The following ARHGAP28 variants were observed in gnomAD, a reference collection of about 807,000 sequenced individuals.
The protein encoded by ARHGAP28 is rho GTPase-activating protein 28.
In ARHGAP28, 56 loss-of-function variants were observed where a neutral mutation model predicts 90.7. The observed-to-expected ratio is 0.62, with a 90% confidence interval of 0.50 to 0.77. ARHGAP28 has a LOEUF of 0.77. Among genes scored for constraint, ARHGAP28 ranks in the 30% least tolerant of loss-of-function variants. The pLI is 0.00. For missense variants in ARHGAP28, 869 were observed against 900.9 expected, an observed-to-expected ratio of 0.96 and a Z score of 0.45; for synonymous variants, 308 against 323.3, an observed-to-expected ratio of 0.95 and a Z score of 0.51.
chr18:6,748,894 C>T (rs1567934301), intron 1 of ARHGAP28, among the ~76,000 whole-genome samples: 1 of 152,152 alleles, frequency 6.6e-6, no homozygotes, highest in African/African-American at 2.4e-5. Context: ...CTTGCATTCC[C>T]CTGTGGCTGT....
chr18:6,751,398 A>C (rs1035481131), intron 1 of ARHGAP28, among the ~76,000 whole-genome samples: 1 of 151,936 alleles, frequency 6.6e-6, no homozygotes, highest in African/African-American at 2.4e-5. Context: ...GTGAAACTGG[A>C]GTTTCCATGA....
chr18:6,739,618 A>C (rs1025543305), intron 1 of ARHGAP28, among the ~76,000 whole-genome samples: 1 of 150,460 alleles, frequency 6.6e-6, no homozygotes. Flanking sequence ...AAAATGTTCT[A>C]GAGCAGACAT....
intron 5 of ARHGAP28, among the ~76,000 whole-genome samples, chr18:6,861,043 C>T (rs1208220018): frequency 6.6e-6 from 1 of 152,212 alleles, no homozygotes. Context: ...AAAACAAAGT[C>T]AGTCATTCAC....
intron 1 of ARHGAP28, among the ~76,000 whole-genome samples, chr18:6,767,230 G>C (rs188092640): frequency 1.5e-3 from 229 of 151,902 alleles, no homozygotes; most frequent in Middle Eastern, 3.4e-3. Context: ...AGAATCTTAT[G>C]ATCTTTGCTT....
chr18:6,777,123 G>T (rs2056290130), intron 1 of ARHGAP28, among the ~76,000 whole-genome samples: 1 of 152,180 alleles, frequency 6.6e-6, no homozygotes, highest in Non-Finnish European at 1.5e-5. Context: ...GAGGAGTTGG[G>T]AAACCAGTTA....
intron 1 of ARHGAP28, among the ~76,000 whole-genome samples, chr18:6,786,148 A>G (rs574792914): frequency 2.0e-5 from 3 of 152,324 alleles, no homozygotes; most frequent in Admixed American, 6.5e-5. Flanking sequence ...TTTGACGTGG[A>G]GTGACCAGCG....
intron 13 of ARHGAP28, 138 bp from the exon 14 acceptor site, chr18:6,890,292 A>G: frequency 1.3e-6 from 1 of 773,130 alleles, no homozygotes. Flanking sequence ...TTTTTTCTAA[A>G]CTTTATAAGG....
Position 6,822,582 on chromosome 18 carries a change from G to A in ARHGAP28, c.123-2180G>A, listed in dbSNP as rs73382788. Among the ~76,000 whole-genome samples the A allele has an allele frequency of 7.8e-3, 1,194 of 152,162 alleles. 21 individuals carry two copies. Among genetic ancestry groups the A allele is most frequent in the African/African-American group, 0.028 (1,157 of 41,506 alleles). Reference sequence around the variant, plus strand: ...CTTGTTGAACTATAAAGAATTCAGCGAGAATTATCACCCGGTTATCAGACA... The same window carrying A: ...CTTGTTGAACTATAAAGAATTCAGCAAGAATTATCACCCGGTTATCAGACA... On this transcript the variant is annotated intron_variant, in intron 1 of 17. Coordinates refer to ENST00000383472, the MANE Select transcript of ARHGAP28 (RefSeq NM_001366230.1).
At chr18:6,812,743 A>T (rs557694503) in intron 1 of ARHGAP28, among the ~76,000 whole-genome samples, 1 of 152,340 alleles carries the variant, frequency 6.6e-6, no homozygotes, top group African/African-American at 2.4e-5. Context: ...AGTGTCAGCC[A>T]CTATCAAATT....
chr18:6,884,977 C>T (rs1489627155), intron 11 of ARHGAP28, among the ~76,000 whole-genome samples: 1 of 152,154 alleles, frequency 6.6e-6, no homozygotes, highest in East Asian at 1.9e-4. Flanking sequence ...AGTTTTTGTG[C>T]TTTTACCCAA....
chr18:6,890,146 C>G (rs1359699164), intron 13 of ARHGAP28, 61 bp downstream of exon 13: 5 of 1,576,540 alleles, frequency 3.2e-6, no homozygotes, highest in Non-Finnish European at 4.4e-6. Context: ...AAACATAAAG[C>G]CTCCATGATT....
At chr18:6,799,551 A>G (rs919337259) in intron 1 of ARHGAP28, among the ~76,000 whole-genome samples, 1 of 152,252 alleles carries the variant, frequency 6.6e-6, no homozygotes, top group African/African-American at 2.4e-5. Flanking sequence ...CCAAAGGAAC[A>G]GAACAGAGGT....
chr18:6,854,203 T>C (rs796616831), intron 4 of ARHGAP28, among the ~76,000 whole-genome samples: 16 of 152,188 alleles, frequency 1.1e-4, no homozygotes, highest in African/African-American at 3.1e-4. Flanking sequence ...CTCTCTCTCT[T>C]TTTTGACAAA....
At chr18:6,805,638 A>C (rs1292357930) in intron 1 of ARHGAP28, among the ~76,000 whole-genome samples, 3 of 151,382 alleles carry the variant, frequency 2.0e-5, no homozygotes, top group Admixed American at 2.0e-4. Context: ...GGTGCCTGCC[A>C]CCACGCCCGG....
intron 1 of ARHGAP28, among the ~76,000 whole-genome samples, chr18:6,758,624 A>G (rs1600157537): frequency 6.6e-6 from 1 of 152,192 alleles, no homozygotes; most frequent in Admixed American, 6.5e-5. Context: ...TTGCCCAGCC[A>G]CTTGCTTGTC....
intron 1 of ARHGAP28, among the ~76,000 whole-genome samples, chr18:6,800,516 AT>A (rs756645942): frequency 1.3e-5 from 2 of 152,236 alleles, no homozygotes; most frequent in Non-Finnish European, 2.9e-5. Context: ...ACACCATGGA[AT>A]ACTATGCAGC....
intron 1 of ARHGAP28, among the ~76,000 whole-genome samples, chr18:6,784,468 C>T (rs1444658748): frequency 6.6e-6 from 1 of 152,142 alleles, no homozygotes; most frequent in Non-Finnish European, 1.5e-5. Flanking sequence ...TGCCCTGTCT[C>T]CAACCACCTT....
intron 2 of ARHGAP28, among the ~76,000 whole-genome samples, chr18:6,827,519 G>A (rs1192622836): frequency 1.4e-5 from 2 of 145,648 alleles, no homozygotes; most frequent in Non-Finnish European, 3.1e-5. Context: ...CCTCCCGGAC[G>A]GGGCGGCTGA....
At chr18:6,875,264 G>A (rs978655350) in intron 9 of ARHGAP28, among the ~76,000 whole-genome samples, 3 of 152,150 alleles carry the variant, frequency 2.0e-5, no homozygotes, top group East Asian at 1.9e-4. Context: ...TCCTCGCTAC[G>A]ACACCTCAAG....
Sources: allele counts gnomAD v4.1 joint callset (sites outside exome capture counted in the v4.1 genomes callset), GRCh38; gene constraint gnomAD v4.1.1; transcripts MANE v1.5; gene names NCBI Gene and HGNC (gene_info 2026-07-23, HGNC 2026-07-21).